PDE3A: variants seen among roughly 807,000 people sequenced by gnomAD.
PDE3A encodes the protein cGMP-inhibited 3',5'-cyclic phosphodiesterase 3A.
In PDE3A, 43 loss-of-function variants were observed where a neutral mutation model predicts 98.3. That is an observed-to-expected ratio of 0.44 (90% CI 0.34 to 0.56). The LOEUF is 0.56. PDE3A is among the 20% of genes least tolerant of loss of function. The pLI is 0.01. For missense variants in PDE3A, 1,427 were observed against 1,440.7 expected, an observed-to-expected ratio of 0.99 and a Z score of 0.15; for synonymous variants, 663 against 567.9, an observed-to-expected ratio of 1.17 and a Z score of -2.38.
In PDE3A at chr12:20,683,721, A is replaced by G. The variant is rs1182025246; in HGVS notation, c.*3450A>G. ...TAGCTCTGTACAGGGATATATCTAT[A>G]TTAGTCTTCATCTGATGAATGAAGA... On this transcript the variant is annotated 3_prime_UTR_variant, in exon 16 of 16. Coordinates refer to ENST00000359062, the MANE Select transcript of PDE3A (RefSeq NM_000921.5). 3 of 152,172 alleles carry G rather than the reference A, an allele frequency of 2.0e-5. No homozygotes were observed. Among genetic ancestry groups the G allele is most frequent in the African/African-American group, 7.2e-5 (3 of 41,450 alleles). 9.4% of individuals were successfully genotyped at this position (152,172 alleles called of 1,614,324 possible). A position where few individuals can be genotyped will look rare whatever the true frequency, so the allele number is the denominator to read the frequency against.
intron 1 of PDE3A, among the ~76,000 whole-genome samples, chr12:20,488,879 C>CA (rs5796863): frequency 0.018 from 2,117 of 118,894 alleles, 18 homozygotes; most frequent in Non-Finnish European, 0.022. Flanking sequence ...TCCCTGTCTC[C>CA]AAAAAAAAAA....
chr12:20,619,474 G>T (rs2121474969), intron 4 of PDE3A, among the ~76,000 whole-genome samples: 2 of 152,108 alleles, frequency 1.3e-5, no homozygotes, highest in Middle Eastern at 3.4e-3. Flanking sequence ...ACTGTATTAT[G>T]TAATGAGAAC....
chr12:20,582,440 C>T (rs1943090046), intron 2 of PDE3A, among the ~76,000 whole-genome samples: 1 of 152,094 alleles, frequency 6.6e-6, no homozygotes, highest in East Asian at 1.9e-4. Flanking sequence ...GTGGCCTGCC[C>T]GCCTCAGCCT....
At position 20,552,699 on chromosome 12, in the gene PDE3A, C is replaced by T. The variant is rs943015713; in HGVS notation, c.961-3961C>T. The stretch of plus-strand genomic sequence containing the variant: ...GCCTCATCAGAGAGGACAAGAGCAA[C>T]GCCAAGCTGTGGAATGAGGTCCTGG... On this transcript the variant is annotated intron_variant, in intron 1 of 15. Transcript: ENST00000359062. The surrounding 1 kb of genome is among the most constrained non-coding windows in gnomAD (Gnocchi z 5.1). The T allele has an allele frequency of 1.1e-5, 17 of 1,613,892 alleles. No individual in the cohort carries two copies. Among genetic ancestry groups the T allele is most frequent in the Non-Finnish European group, 1.3e-5 (15 of 1,179,906 alleles).
intron 1 of PDE3A, among the ~76,000 whole-genome samples, chr12:20,462,220 G>T (rs1945263773): frequency 6.6e-6 from 1 of 152,210 alleles, no homozygotes. Context: ...GCCAGGCGCG[G>T]TGGCTTATGC....
chr12:20,404,983 C>A (rs1302873754), intron 1 of PDE3A, among the ~76,000 whole-genome samples: 2 of 151,838 alleles, frequency 1.3e-5, no homozygotes, highest in Admixed American at 6.6e-5. Context: ...TTTATTTCTT[C>A]CCCCAAAATT....
At position 20,369,202 on chromosome 12, in the gene PDE3A, T is replaced by C. The variant is rs745444350; in HGVS notation, c.-83T>C. On this transcript the variant is annotated 5_prime_UTR_variant, in exon 1 of 16. Transcript: ENST00000359062. ...AAGAGCGTGCGTGCGTGTGTGTGTG[T>C]GTGTGTGTGCGCGCGCGCGCGTGGG... 13 of 852,570 alleles carry C rather than the reference T, an allele frequency of 1.5e-5. No homozygotes were observed. The highest frequency in any genetic ancestry group is 2.7e-5 in the East Asian group (1 of 36,752). The allele number at this position is 852,570 out of a possible 1,614,324, so 52.8% of individuals were successfully genotyped here.
rs115889823 is a variant in PDE3A, at chr12:20,647,238, C to T, written c.2565+288C>T. Among the ~76,000 whole-genome samples the T allele has an allele frequency of 0.013, 1,929 of 152,204 alleles. 49 individuals carry two copies. The highest frequency in any genetic ancestry group is 0.044 in the African/African-American group (1,831 of 41,544). ...ATGGACCTCTTTAACAAACAAAAGGCAACCTATACAAAAGCCCCTTTCTGA... is the reference window on the plus strand; with the variant it reads ...ATGGACCTCTTTAACAAACAAAAGGTAACCTATACAAAAGCCCCTTTCTGA... On this transcript the variant is annotated intron_variant, in intron 12 of 15. Transcript: ENST00000359062.
intron 2 of PDE3A, among the ~76,000 whole-genome samples, chr12:20,578,014 C>G (rs558154328): frequency 1.3e-5 from 2 of 152,158 alleles, no homozygotes; most frequent in East Asian, 3.9e-4. Context: ...GAATTCCACT[C>G]ATTTCGTTAC....
chr12:20,452,743 TG>T (rs1945087920), intron 1 of PDE3A, among the ~76,000 whole-genome samples: 1 of 152,176 alleles, frequency 6.6e-6, no homozygotes, highest in Admixed American at 6.5e-5. Flanking sequence ...TCACGGGCTG[TG>T]GATCATTTGA....
chr12:20,475,586 C>G (rs1945517779), intron 1 of PDE3A, among the ~76,000 whole-genome samples: 1 of 151,884 alleles, frequency 6.6e-6, no homozygotes, highest in African/African-American at 2.4e-5. Context: ...AAAAATTAGC[C>G]AGACATGTTG....
chr12:20,570,029 G>T (rs1350319346), intron 2 of PDE3A, among the ~76,000 whole-genome samples: 1 of 152,138 alleles, frequency 6.6e-6, no homozygotes, highest in Non-Finnish European at 1.5e-5. Context: ...CAATAAATAT[G>T]TCTAGAAACA....
intron 1 of PDE3A, among the ~76,000 whole-genome samples, chr12:20,403,591 G>C (rs77520606): frequency 0.045 from 6,783 of 152,180 alleles, 208 homozygotes; most frequent in Non-Finnish European, 0.062. Context: ...TATGAATGAA[G>C]AGCTTGTTGG....
intron 1 of PDE3A, among the ~76,000 whole-genome samples, chr12:20,454,463 TTTG>T (rs1377418238): frequency 5.3e-5 from 8 of 152,174 alleles, no homozygotes; most frequent in African/African-American, 1.9e-4. Flanking sequence ...GAGGGCTTTG[TTTG>T]TTGTTTGTTT....
intron 1 of PDE3A, among the ~76,000 whole-genome samples, chr12:20,422,699 C>T (rs1944540486): frequency 6.6e-6 from 1 of 152,066 alleles, no homozygotes; most frequent in African/African-American, 2.4e-5. Flanking sequence ...GTATCATGTC[C>T]CCATTCTTCC....
At chr12:20,436,778 A>G (rs1944785635) in intron 1 of PDE3A, among the ~76,000 whole-genome samples, 1 of 152,200 alleles carries the variant, frequency 6.6e-6, no homozygotes, top group South Asian at 2.1e-4. Flanking sequence ...TAAATCCTTA[A>G]TAAAGATCAT....
intron 1 of PDE3A, among the ~76,000 whole-genome samples, chr12:20,505,439 A>G (rs1160098157): frequency 6.6e-6 from 1 of 152,084 alleles, no homozygotes; most frequent in Non-Finnish European, 1.5e-5. Flanking sequence ...TATAAAGTGT[A>G]GAGCTCTCTT....
At chr12:20,502,154 T>C (rs533288944) in intron 1 of PDE3A, among the ~76,000 whole-genome samples, 3 of 152,294 alleles carry the variant, frequency 2.0e-5, no homozygotes, top group Admixed American at 2.0e-4. Context: ...AGGTACTTCC[T>C]ATTAAATCAC....
chr12:20,598,509 G>A (rs953969177), intron 2 of PDE3A, among the ~76,000 whole-genome samples: 2 of 152,090 alleles, frequency 1.3e-5, no homozygotes, highest in Non-Finnish European at 1.5e-5. Context: ...TTTATGAGGT[G>A]TTTAATGTTG....
Sources: allele counts gnomAD v4.1 joint callset (sites outside exome capture counted in the v4.1 genomes callset), GRCh38; gene constraint gnomAD v4.1.1; non-coding constraint Gnocchi (gnomAD v3.1); transcripts MANE v1.5; gene names NCBI Gene and HGNC (gene_info 2026-07-23, HGNC 2026-07-21).